The following VEZF1 variants were observed in gnomAD, a reference collection of about 807,000 sequenced individuals.
The protein encoded by VEZF1 is vascular endothelial zinc finger 1, also known as putative transcription factor DB1.
Under a neutral mutation model 44.1 loss-of-function variants are expected in VEZF1, and 5 were observed. That is an observed-to-expected ratio of 0.11 (90% confidence interval 0.06 to 0.24). VEZF1 has a LOEUF of 0.24. VEZF1 is among the 10% of genes least tolerant of loss of function. VEZF1 has a pLI of 1.00. For synonymous variants in VEZF1, 236 were observed against 233.1 expected (o/e 1.01, Z -0.11); for missense variants, 358 against 641.8 (o/e 0.56, Z 4.78).
chr17:57,982,162 T>C (rs2075255044), intron 2 of VEZF1, among the ~76,000 whole-genome samples: 2 of 152,220 alleles, frequency 1.3e-5, no homozygotes, highest in South Asian at 4.1e-4. Context: ...TCAAATCATA[T>C]TAGGTCTTGA....
chr17:57,985,499 G>T, intron 1 of VEZF1: 2 of 942,460 alleles, frequency 2.1e-6, no homozygotes, highest in Non-Finnish European at 2.5e-6. Context: ...AACAACCACG[G>T]CCAGCCTTCA....
chr17:57,980,560 C>A, intron 4 of VEZF1, 43 bp downstream of exon 4: 1 of 1,536,182 alleles, frequency 6.5e-7, no homozygotes, highest in Non-Finnish European at 9.0e-7. Flanking sequence ...CATATTTCAC[C>A]CATCTGAAAT....
At chr17:57,975,711 T>C (rs2143320849) in intron 5 of VEZF1, among the ~76,000 whole-genome samples, 1 of 152,300 alleles carries the variant, frequency 6.6e-6, no homozygotes, top group African/African-American at 2.4e-5. Flanking sequence ...ATATTACACA[T>C]ACCACCAAGC....
In VEZF1 at chr17:57,988,168, G is replaced by GA; in HGVS notation, c.-58_-57insT. On this transcript the variant is annotated 5_prime_UTR_variant, in exon 1 of 6. An upstream open reading frame in the 5' UTR loses its in-frame stop. Coordinates refer to ENST00000581208, the MANE Select transcript of VEZF1 (RefSeq NM_007146.3). ...TCCCCCCGCTCGGGGAGCCTCCTCA[G>GA]CCGGAGGAGGCGACAACAAAGCGGC... 2.1e-6 allele frequency: 1 copy of GA among 472,400 alleles called. No individual in the cohort carries two copies. Among genetic ancestry groups the GA allele is most frequent in the Non-Finnish European group, 3.1e-6 (1 of 325,862 alleles). 29.3% of individuals were successfully genotyped at this position (472,400 alleles called of 1,614,324 possible).
At position 57,977,600 on chromosome 17, in the gene VEZF1, T is replaced by C. The variant is rs1330452605; in HGVS notation, c.1138+1552A>G. Among the ~76,000 whole-genome samples the C allele has an allele frequency of 2.0e-5, 3 of 152,076 alleles. No homozygotes were observed. In the East Asian group the frequency reaches 5.8e-4, roughly 29 times the overall value. ...TAGCTCACGCCTATAATCCCAGTAC[T>C]TTGGGAGGGTGAGGCGGGCAGATCA... On this transcript the variant is annotated intron_variant, in intron 5 of 5. Transcript: ENST00000581208.
At position 57,972,316 on chromosome 17, in the gene VEZF1, T is replaced by C. The variant is rs1474700378; in HGVS notation, c.*2157A>G. ...AGCCTGGGCTGTCTGAATTGTGAATTATGACTGCCAGCCCACCAGAGATAA... is the reference window on the plus strand; with the variant it reads ...AGCCTGGGCTGTCTGAATTGTGAATCATGACTGCCAGCCCACCAGAGATAA... On this transcript the variant is annotated 3_prime_UTR_variant, in exon 6 of 6. Coordinates refer to ENST00000581208, the MANE Select transcript of VEZF1 (RefSeq NM_007146.3). 3 of 152,240 alleles carry C rather than the reference T, an allele frequency of 2.0e-5. No homozygotes were observed. Among genetic ancestry groups the C allele is most frequent in the African/African-American group, 7.2e-5 (3 of 41,426 alleles). The allele number at this position is 152,240 out of a possible 1,614,324, so 9.4% of individuals were successfully genotyped here.
At chr17:57,984,762 A>C (rs951362285) in intron 1 of VEZF1, among the ~76,000 whole-genome samples, 1 of 152,210 alleles carries the variant, frequency 6.6e-6, no homozygotes, top group Non-Finnish European at 1.5e-5. Flanking sequence ...TGATGGCAGC[A>C]TAACAGTTAA....
chr17:57,985,558 G>GACT, intron 1 of VEZF1: 1 of 599,908 alleles, frequency 1.7e-6, no homozygotes, highest in Non-Finnish European at 2.1e-6. Flanking sequence ...GCTTTTATTT[G>GACT]ACTAGCATCA....
chr17:57,976,935 C>G (rs1371580001), intron 5 of VEZF1, among the ~76,000 whole-genome samples: 2 of 152,132 alleles, frequency 1.3e-5, no homozygotes, highest in Admixed American at 1.3e-4. Flanking sequence ...CCCCTTACCT[C>G]CTCCTCCGTG....
In VEZF1 at chr17:57,972,744, G is replaced by A. The variant is rs759629306; in HGVS notation, c.*1729C>T. 5 of 152,560 alleles carry A rather than the reference G, an allele frequency of 3.3e-5. No individual in the cohort carries two copies. The highest frequency in any genetic ancestry group is 7.4e-5 in the Non-Finnish European group (5 of 68,020). The allele number at this position is 152,560 out of a possible 1,614,324, so 9.5% of individuals were successfully genotyped here. On this transcript the variant is annotated 3_prime_UTR_variant, in exon 6 of 6. Transcript: ENST00000581208. ...ATATACAAAAGTTGTACAATTTAAT[G>A]TCCTAAAGTACAAAAGATCATTTAT... is the stretch of plus-strand genomic sequence containing the variant.
chr17:57,986,286 G>GT (rs1567741927), intron 1 of VEZF1: 1 of 151,998 alleles, frequency 6.6e-6, no homozygotes, highest in Non-Finnish European at 1.5e-5. Context: ...TGTGTTATGG[G>GT]TTTTTCCTTT....
At chr17:57,987,434 ACACT>A (rs1257485381) in intron 1 of VEZF1, among the ~76,000 whole-genome samples, 1 of 152,110 alleles carries the variant, frequency 6.6e-6, no homozygotes, top group Non-Finnish European at 1.5e-5. Flanking sequence ...GAGGGGATAC[ACACT>A]CACAACATCC....
At chr17:57,979,698 G>A (rs2075228523) in intron 4 of VEZF1, among the ~76,000 whole-genome samples, 1 of 152,092 alleles carries the variant, frequency 6.6e-6, no homozygotes. Context: ...AGTGGCTCAT[G>A]CCTGTAATCC....
intron 2 of VEZF1, among the ~76,000 whole-genome samples, chr17:57,982,196 G>T (rs533645314): frequency 6.6e-6 from 1 of 152,070 alleles, no homozygotes; most frequent in South Asian, 2.1e-4. Context: ...CAAAATACCC[G>T]AAGTTTTAGT....
At chr17:57,979,085 A>G in intron 5 of VEZF1, 67 bp downstream of exon 5, 1 of 1,557,030 alleles carries the variant, frequency 6.4e-7, no homozygotes, top group Non-Finnish European at 8.7e-7. Flanking sequence ...CTCTACTTTG[A>G]TCACTTGGCA....
intron 5 of VEZF1, among the ~76,000 whole-genome samples, chr17:57,976,243 T>G (rs1360573744): frequency 6.6e-6 from 1 of 152,218 alleles, no homozygotes; most frequent in Non-Finnish European, 1.5e-5. Flanking sequence ...GATAGAGATC[T>G]GTATATGATC....
intron 1 of VEZF1, among the ~76,000 whole-genome samples, chr17:57,986,615 A>G (rs1319519459): frequency 2.6e-5 from 4 of 152,232 alleles, no homozygotes; most frequent in African/African-American, 9.6e-5. Context: ...TTAGATTTTA[A>G]GAAGCCCAAA....
chr17:57,987,029 T>G (rs2075300685), intron 1 of VEZF1, among the ~76,000 whole-genome samples: 1 of 152,222 alleles, frequency 6.6e-6, no homozygotes, highest in Admixed American at 6.5e-5. Context: ...AGCCTAGATC[T>G]GCCAAACAGG....
chr17:57,985,000 G>A (rs887115329), intron 1 of VEZF1, among the ~76,000 whole-genome samples: 2 of 152,190 alleles, frequency 1.3e-5, no homozygotes, highest in Non-Finnish European at 2.9e-5. Flanking sequence ...CTACCCAGGT[G>A]ACATCAGCAG....
Sources: allele counts gnomAD v4.1 joint callset (sites outside exome capture counted in the v4.1 genomes callset), GRCh38; gene constraint gnomAD v4.1.1; transcripts MANE v1.5; gene names NCBI Gene and HGNC (gene_info 2026-07-23, HGNC 2026-07-21).